Variants in LRRFIP1 observed in about 807,000 individuals in gnomAD.
LRRFIP1 encodes the protein leucine-rich repeat flightless-interacting protein 1.
A neutral mutation model predicts 104.4 loss-of-function variants in LRRFIP1; 62 were observed. That is an observed-to-expected ratio of 0.59 (90% CI 0.48 to 0.73). LRRFIP1 has a LOEUF of 0.73. Ranked by LOEUF, LRRFIP1 falls within the 30% of genes least tolerant of loss-of-function variation. The probability of loss-of-function intolerance (pLI) is 0.00; values close to 1 mark genes in which losing one functional copy is unlikely to be tolerated. For missense variants in LRRFIP1, 796 were observed against 824.5 expected (o/e 0.97, Z 0.42); for synonymous variants, 300 against 299.0 (o/e 1.00, Z -0.03).
chr2:237,668,514 C>G (rs1313111649), intron 1 of LRRFIP1, among the ~76,000 whole-genome samples: 2 of 152,186 alleles, frequency 1.3e-5, no homozygotes, highest in African/African-American at 4.8e-5. Context: ...ATGATGGCAC[C>G]AGGGGCCTCT....
chr2:237,771,550 A>T (rs2060627509), intron 20 of LRRFIP1, among the ~76,000 whole-genome samples: 1 of 53,496 alleles, frequency 1.9e-5, no homozygotes. Flanking sequence ...CCTGGAACCA[A>T]TCCCCCCCCC....
rs560373579 is a variant in LRRFIP1 at position 237,725,204 on chromosome 2, C to G, written c.384+1618C>G. Among the ~76,000 whole-genome samples, 74 of 152,218 alleles carry G rather than the reference C, an allele frequency of 4.9e-4. No individual in the cohort carries two copies. The South Asian group carries it at 0.015, about 30-fold the overall frequency. On this transcript the variant is annotated intron_variant, in intron 7 of 23. Coordinates refer to ENST00000308482, the MANE Select transcript of LRRFIP1 (RefSeq NM_001137550.2). ...TGGAGAGCTTGTTAGAGTGCCTGTTCCTGAGCCCTTTCTGTAGGTATCCTG... is the reference window on the plus strand; with the variant it reads ...TGGAGAGCTTGTTAGAGTGCCTGTTGCTGAGCCCTTTCTGTAGGTATCCTG...
At chr2:237,673,413 G>T (rs1004587226) in intron 1 of LRRFIP1, among the ~76,000 whole-genome samples, 1 of 152,224 alleles carries the variant, frequency 6.6e-6, no homozygotes, top group African/African-American at 2.4e-5. Context: ...CTCGCCAAGA[G>T]AGCTGAGGGG....
Position 237,694,119 on chromosome 2 carries a change from G to T in LRRFIP1, c.97-14425G>T, listed in dbSNP as rs545972652. ...GCAGTGAGACTTGCCCTGTCCAATGGGGGGCTAGTTTTGGTCTTCACTGAT... is the reference window on the plus strand; with the variant it reads ...GCAGTGAGACTTGCCCTGTCCAATGTGGGGCTAGTTTTGGTCTTCACTGAT... On this transcript the variant is annotated intron_variant, in intron 1 of 23. Coordinates refer to ENST00000308482, the MANE Select transcript of LRRFIP1 (RefSeq NM_001137550.2). 4.6e-5 allele frequency among the ~76,000 whole-genome samples: 7 copies of T among 152,300 alleles called. No homozygotes were observed. In the South Asian group the frequency reaches 6.2e-4, roughly 14 times the overall value.
At chr2:237,666,791 C>CTCTTTCTTTCTCTT (rs1305287673) in intron 1 of LRRFIP1, among the ~76,000 whole-genome samples, 2 of 50,494 alleles carry the variant, frequency 4.0e-5, no homozygotes, top group African/African-American at 1.2e-4. Context: ...CTCTTTCTTT[C>CTCTTTCTTTCTCTT]TCTTTCTCTT....
In LRRFIP1 at chr2:237,642,134, C is replaced by T. The variant is rs572829491; in HGVS notation, c.96+14394C>T. On this transcript the variant is annotated intron_variant, in intron 1 of 23. Transcript: ENST00000308482. ...AGTGTTTCCACCTGGCAAGGGGAGG[C>T]GATACTGGGTGGCTGTGAGGAGTCT... Among the ~76,000 whole-genome samples the T allele has an allele frequency of 7.2e-5, 11 of 152,234 alleles. No individual in the cohort carries two copies. The East Asian group carries it at 1.7e-3, about 24-fold the overall frequency.
intron 1 of LRRFIP1, among the ~76,000 whole-genome samples, chr2:237,668,628 T>G (rs919187884): frequency 6.6e-6 from 1 of 151,868 alleles, no homozygotes; most frequent in Non-Finnish European, 1.5e-5. Flanking sequence ...CAGCCTCAGT[T>G]CCCCCTCCTC....
rs570728839 is a variant in LRRFIP1 at position 237,704,410 on chromosome 2, C to T, written c.97-4134C>T. Among the ~76,000 whole-genome samples, 57 of 152,164 alleles carry T rather than the reference C, an allele frequency of 3.7e-4. 2 individuals are homozygous for T. The South Asian group carries it at 0.011, about 31-fold the overall frequency. ...CTCAGGTGATCCGCCCACCTCAGTC[C>T]CCCAAAGTGCTGGGATTACAGGTGT... On this transcript the variant is annotated intron_variant, in intron 1 of 23. Transcript: ENST00000308482.
At chr2:237,637,527 G>A (rs59577680) in intron 1 of LRRFIP1, among the ~76,000 whole-genome samples, 1,738 of 152,298 alleles carry the variant, frequency 0.011, 25 homozygotes, top group African/African-American at 0.039. Flanking sequence ...TGCTTGGAAA[G>A]TTCTCTAAGA....
At chr2:237,652,809 C>T (rs918627819) in intron 1 of LRRFIP1, among the ~76,000 whole-genome samples, 32 of 152,224 alleles carry the variant, frequency 2.1e-4, no homozygotes, top group African/African-American at 7.5e-4. Flanking sequence ...GATCGTGCCA[C>T]TGCACTCCAG....
intron 20 of LRRFIP1, 142 bp downstream of exon 20, chr2:237,770,134 T>C (rs941931118): frequency 7.5e-6 from 5 of 662,538 alleles, no homozygotes; most frequent in African/African-American, 7.3e-5. Context: ...GTTCTTAAGA[T>C]TGCTATCCAA....
rs947199490 is a variant in LRRFIP1, at chr2:237,691,752, G to C, written c.97-16792G>C. On this transcript the variant is annotated intron_variant, in intron 1 of 23. Transcript: ENST00000308482. The surrounding 1 kb of genome is among the most constrained non-coding windows in gnomAD (Gnocchi z 5.4). ...CTGGGCGCGGCATCCTCCCCGGAGCGCCCGCTTCCCACGGCCCCTGCGGGT... is the reference window on the plus strand; with the variant it reads ...CTGGGCGCGGCATCCTCCCCGGAGCCCCCGCTTCCCACGGCCCCTGCGGGT... Among the ~76,000 whole-genome samples, 1 of 151,932 alleles carries C rather than the reference G, an allele frequency of 6.6e-6. No homozygotes were observed. Among genetic ancestry groups the C allele is most frequent in the South Asian group, 2.1e-4 (1 of 4,824 alleles).
chr2:237,637,072 A>G (rs2083222465), intron 1 of LRRFIP1, among the ~76,000 whole-genome samples: 1 of 152,274 alleles, frequency 6.6e-6, no homozygotes, highest in Admixed American at 6.5e-5. Flanking sequence ...AAAGGAACCC[A>G]TCATTATGGT....
rs1041645131 is a variant in LRRFIP1, at chr2:237,642,560, C to T, written c.96+14820C>T. On this transcript the variant is annotated intron_variant, in intron 1 of 23. Transcript: ENST00000308482. ...GGTTCCAGGTTCCAGGCTCCAGGCT[C>T]CAGGTTCTAGGTTAAGGGTTCCCAG... Among the ~76,000 whole-genome samples the T allele has an allele frequency of 2.7e-5, 4 of 150,722 alleles. No individual in the cohort carries two copies. The East Asian group carries it at 7.8e-4, about 29-fold the overall frequency.
intron 2 of LRRFIP1, among the ~76,000 whole-genome samples, chr2:237,713,110 G>A (rs568340075): frequency 1.4e-4 from 21 of 151,882 alleles, no homozygotes; most frequent in Non-Finnish European, 1.5e-4. Flanking sequence ...GAAGCTGACC[G>A]GGGTTGGTAT....
intron 1 of LRRFIP1, among the ~76,000 whole-genome samples, chr2:237,643,418 C>T (rs887548942): frequency 6.6e-6 from 1 of 152,232 alleles, no homozygotes; most frequent in Admixed American, 6.5e-5. Context: ...TAGACGGATG[C>T]CGTTGGTGTA....
chr2:237,627,818 CCGTCTGTCCCGCTGTG>C (rs1361589305), intron 1 of LRRFIP1, 78 bp downstream of exon 1: 1 of 940,846 alleles, frequency 1.1e-6, no homozygotes, highest in African/African-American at 1.8e-5. Flanking sequence ...TCTCCGGCGT[CCGTCTGTCCCGCTGTG>C]CGTCTGTGCC....
chr2:237,762,884 A>T, intron 19 of LRRFIP1: 1 of 1,614,186 alleles, frequency 6.2e-7, no homozygotes, highest in Non-Finnish European at 8.5e-7. Flanking sequence ...GGTTGAGTCA[A>T]ATGAGGTCAT....
chr2:237,764,125 C>A, intron 19 of LRRFIP1: 1 of 1,614,180 alleles, frequency 6.2e-7, no homozygotes, highest in Non-Finnish European at 8.5e-7. Context: ...GCAAAGAAGA[C>A]TGTACCATGT....
Sources: allele counts gnomAD v4.1 joint callset (sites outside exome capture counted in the v4.1 genomes callset), GRCh38; gene constraint gnomAD v4.1.1; non-coding constraint Gnocchi (gnomAD v3.1); transcripts MANE v1.5; gene names NCBI Gene and HGNC (gene_info 2026-07-23, HGNC 2026-07-21).